HNF1A: variants seen among roughly 807,000 people sequenced by gnomAD.
HNF1A encodes the protein hepatocyte nuclear factor 1-alpha.
Under a neutral mutation model 62.2 loss-of-function variants are expected in HNF1A, and 21 were observed. The ratio of observed to expected loss-of-function variants is 0.34; its 90% CI spans 0.24 to 0.49. HNF1A has a LOEUF of 0.49. Among genes scored for constraint, HNF1A ranks in the 20% least tolerant of loss-of-function variants. HNF1A has a pLI of 0.99. For synonymous variants in HNF1A, 374 were observed against 366.8 expected (o/e 1.02, Z -0.22); for missense variants, 687 against 832.3 (o/e 0.83, Z 2.15).
chr12:120,996,678 G>C lies in HNF1A; in HGVS notation c.1245G>C (p.Gly415=), dbSNP rs917606298. The C allele has an allele frequency of 1.2e-6, 2 of 1,614,064 alleles. No homozygotes were observed. The highest frequency in any genetic ancestry group is 2.7e-5 in the African/African-American group (2 of 75,014). Residue 415 remains glycine, a synonymous_variant, in exon 6 of 10, where the codon GGG becomes GGC. Coordinates refer to ENST00000257555, the MANE Select transcript of HNF1A (RefSeq NM_000545.8). The surrounding 1 kb of genome is among the most constrained non-coding windows in gnomAD (Gnocchi z 4.5). Reference sequence around the variant, plus strand: ...CACTTCCTGGGGTCATGACCATCGGGCCTGGTGAGCCTGCCTCCCTGGGTC... The same window carrying C: ...CACTTCCTGGGGTCATGACCATCGGCCCTGGTGAGCCTGCCTCCCTGGGTC... ...MASLPGVMTI[G]PGEPASLGPT... is the part of the protein sequence containing the mutation.
At position 120,996,596 on chromosome 12, in the gene HNF1A, G is replaced by A; in HGVS notation, c.1163G>A (p.Ser388Asn). 6.2e-7 allele frequency: 1 copy of A among 1,614,072 alleles called. No individual in the cohort carries two copies. The highest frequency in any genetic ancestry group is 8.5e-7 in the Non-Finnish European group (1 of 1,179,998). Residue 388 changes from serine (S) to asparagine (N), a missense_variant, in exon 6 of 10, where the codon AGC becomes AAC. Ser to Asn is a conservative substitution (Grantham distance 46, BLOSUM62 1). This residue lies in a region of HNF1A where 408 missense variants were observed against 455.3 expected (regional missense o/e 0.90). Coordinates refer to ENST00000257555, the MANE Select transcript of HNF1A (RefSeq NM_000545.8). This position sits in a 1 kb window ranked among gnomAD's most constrained non-coding sequence, Gnocchi z 4.5. ...PPVSTLTALH[S>N]LEQTSPGLNQ... ...GTCAGCACCCTGACAGCACTGCACAGCTTGGAGCAGACATCCCCAGGCCTC... is the reference window on the plus strand; with the variant it reads ...GTCAGCACCCTGACAGCACTGCACAACTTGGAGCAGACATCCCCAGGCCTC...
chr12:121,000,987 T>C lies in HNF1A; in HGVS notation c.1769-78T>C, dbSNP rs537642366. 2.0e-4 allele frequency: 322 copies of C among 1,593,192 alleles called. 1 individual carries two copies. Among genetic ancestry groups the C allele is most frequent in the Middle Eastern group, 2.0e-3 (12 of 6,014 alleles). ...GAGGTGTGGCCCTGCCTCCCCATCC[T>C]GAGTACCCCTAGGGACAGGCAGGTG... is the stretch of plus-strand genomic sequence containing the variant. On this transcript the variant is annotated intron_variant, in intron 9 of 9. Coordinates refer to ENST00000257555, the MANE Select transcript of HNF1A (RefSeq NM_000545.8).
chr12:120,992,809 T>G (rs1323942731), intron 2 of HNF1A, among the ~76,000 whole-genome samples: 1 of 152,074 alleles, frequency 6.6e-6, no homozygotes, highest in Non-Finnish European at 1.5e-5. Context: ...GCAGCAGGTG[T>G]GTAGTCCTAG....
In HNF1A at chr12:120,989,013, G is replaced by A. The variant is rs139500557; in HGVS notation, c.507G>A (p.Lys169=). ...RAALYTWYVR[K]QREVAQQFTH... ...CCCTGTACACCTGGTACGTCCGCAA[G>A]CAGCGAGAGGTGGCGCAGCGTAAGT... Residue 169 remains lysine (K), a synonymous_variant, in exon 2 of 10, where the codon AAG becomes AAA. Transcript: ENST00000257555. 5 of 1,614,092 alleles carry A rather than the reference G, an allele frequency of 3.1e-6. No homozygotes were observed. In the African/African-American group the frequency reaches 4.0e-5, roughly 13 times the overall value.
intron 1 of HNF1A, among the ~76,000 whole-genome samples, chr12:120,987,347 T>C (rs769569989): frequency 8.6e-5 from 13 of 150,880 alleles, no homozygotes; most frequent in Non-Finnish European, 1.6e-4. Flanking sequence ...TGGTGGCGGG[T>C]GCCTGTAGGC....
In HNF1A at chr12:120,996,748, C is replaced by G. The variant is rs1877123882; in HGVS notation, c.1309+6C>G. ...TGCCTCCACCCTGGTCATCGGTAAG[C>G]TGGTGGGGATGGGTGGGCACCTGGG... is the stretch of plus-strand genomic sequence containing the variant. On this transcript the variant is annotated splice_donor_region_variant and intron_variant, in intron 6 of 9. Coordinates refer to ENST00000257555, the MANE Select transcript of HNF1A (RefSeq NM_000545.8). This position sits in a 1 kb window ranked among gnomAD's most constrained non-coding sequence, Gnocchi z 4.5. 4 of 1,613,808 alleles carry G rather than the reference C, an allele frequency of 2.5e-6. No homozygotes were observed. Among genetic ancestry groups the G allele is most frequent in the Non-Finnish European group, 3.4e-6 (4 of 1,179,920 alleles).
chr12:121,000,470 T>C (rs1360636802), intron 9 of HNF1A: 3 of 172,836 alleles, frequency 1.7e-5, no homozygotes, highest in Non-Finnish European at 2.5e-5. Flanking sequence ...CTCTTAACCA[T>C]TGCCATCAGT....
At chr12:120,995,381 T>C (rs1394292289) in intron 4 of HNF1A, among the ~76,000 whole-genome samples, 1 of 151,138 alleles carries the variant, frequency 6.6e-6, no homozygotes, top group Non-Finnish European at 1.5e-5. Context: ...ACCAGCTCCA[T>C]TAGACTCCAC....
chr12:120,985,843 G>A (rs1876482397), intron 1 of HNF1A, among the ~76,000 whole-genome samples: 1 of 151,700 alleles, frequency 6.6e-6, no homozygotes, highest in Non-Finnish European at 1.5e-5. Context: ...AAATTAGCTG[G>A]GTGTGGTAGC....
intron 2 of HNF1A, among the ~76,000 whole-genome samples, chr12:120,990,175 T>A (rs190832563): frequency 4.4e-4 from 67 of 152,292 alleles, no homozygotes; most frequent in Admixed American, 3.3e-4. Flanking sequence ...AGAGTCTCAC[T>A]CTGTTGCCCA....
intron 6 of HNF1A, chr12:120,997,225 CTT>C: frequency 7.0e-7 from 1 of 1,424,788 alleles, no homozygotes; most frequent in Non-Finnish European, 9.1e-7. Context: ...AGTTTGACAA[CTT>C]TTGAACAAGT....
chr12:120,999,709 C>T (rs1270380257), intron 9 of HNF1A, 82 bp downstream of exon 9: 10 of 1,504,812 alleles, frequency 6.6e-6, no homozygotes, highest in Non-Finnish European at 8.0e-6. Context: ...TGCTGTCCGT[C>T]ACTGTGGGGC....
At position 120,996,891 on chromosome 12, in the gene HNF1A, C is replaced by G; in HGVS notation, c.1309+149C>G. 6.6e-7 allele frequency: 1 copy of G among 1,510,350 alleles called. No individual in the cohort carries two copies. Among genetic ancestry groups the G allele is most frequent in the South Asian group, 1.2e-5 (1 of 82,458 alleles). The allele number at this position is 1,510,350 out of a possible 1,614,324, so 93.6% of individuals were successfully genotyped here. ...CTACTCTGGACCAGTCACTGTGCTA[C>G]ATCAGTGATACCTGGGTGAACCAAA... On this transcript the variant is annotated intron_variant, in intron 6 of 9. Transcript: ENST00000257555. The surrounding 1 kb of genome is among the most constrained non-coding windows in gnomAD (Gnocchi z 4.5).
rs185620161 is a variant in HNF1A, at chr12:120,988,970, A to G, written c.464A>G (p.Lys155Arg). 1 of 1,614,242 alleles carries G rather than the reference A, an allele frequency of 6.2e-7. No individual in the cohort carries two copies. The highest frequency in any genetic ancestry group is 1.7e-5 in the Admixed American group (1 of 60,028). Residue 155 changes from lysine (K) to arginine (R), a missense_variant, in exon 2 of 10, where the codon AAG becomes AGG. By Grantham distance (26) the Lys-to-Arg change is conservative. This residue lies in a region of HNF1A where 26 missense variants were observed against 60.7 expected (regional missense o/e 0.43). Transcript: ENST00000257555. Reference sequence around the variant, plus strand: ...CACCTCAACAAGGGCACTCCCATGAAGACGCAGAAGCGGGCCGCCCTGTAC... The same window carrying G: ...CACCTCAACAAGGGCACTCCCATGAGGACGCAGAAGCGGGCCGCCCTGTAC... The part of the protein sequence containing the change: ...SQHLNKGTPM[K>R]TQKRAALYTW...
At chr12:120,989,166 C>T in intron 2 of HNF1A, 134 bp downstream of exon 2, 1 of 875,540 alleles carries the variant, frequency 1.1e-6, no homozygotes, top group Non-Finnish European at 1.8e-6. Flanking sequence ...TGGGATTCAA[C>T]CTGCATTTAT....
intron 1 of HNF1A, chr12:120,979,856 A>G (rs1238187796): frequency 6.6e-6 from 1 of 152,240 alleles, no homozygotes; most frequent in Non-Finnish European, 1.5e-5. Flanking sequence ...TTATAAATTT[A>G]TAAATGGCAA....
intron 7 of HNF1A, 156 bp downstream of exon 7, chr12:120,997,821 C>A (rs1877194978): frequency 1.2e-6 from 1 of 814,976 alleles, no homozygotes; most frequent in South Asian, 1.4e-5. Flanking sequence ...CCAGTGTGTT[C>A]CCATGTGAAT....
At chr12:121,000,737 G>A (rs1031473529) in intron 9 of HNF1A, 3 of 400,718 alleles carry the variant, frequency 7.5e-6, no homozygotes, top group East Asian at 1.0e-4. Flanking sequence ...CATCTACAAA[G>A]CACCTGCATT....
chr12:120,996,957 T>C lies in HNF1A; in HGVS notation c.1309+215T>C. 1 of 1,499,316 alleles carries C rather than the reference T, an allele frequency of 6.7e-7. No homozygotes were observed. The highest frequency in any genetic ancestry group is 1.4e-5 in the African/African-American group (1 of 72,286). 92.9% of individuals were successfully genotyped at this position (1,499,316 alleles called of 1,614,324 possible). A position where few individuals can be genotyped will look rare whatever the true frequency, so the allele number is the denominator to read the frequency against. ...GCAACTCAAGCAGGGAGGCAGGCAC[T>C]AAGCATAATACATCAATTCTGTGGT... On this transcript the variant is annotated intron_variant, in intron 6 of 9. Transcript: ENST00000257555. The surrounding 1 kb of genome is among the most constrained non-coding windows in gnomAD (Gnocchi z 4.5).
Sources: allele counts gnomAD v4.1 joint callset (sites outside exome capture counted in the v4.1 genomes callset), GRCh38; gene constraint gnomAD v4.1.1; regional missense constraint gnomAD v4.1.1; non-coding constraint Gnocchi (gnomAD v3.1); transcripts MANE v1.5; gene names NCBI Gene and HGNC (gene_info 2026-07-23, HGNC 2026-07-21).